The following FAAH variants were observed in gnomAD, a reference collection of about 807,000 sequenced individuals.
The protein encoded by FAAH is fatty acid amide hydrolase.
In FAAH, 63 loss-of-function variants were observed where a neutral mutation model predicts 69.7. That is an observed-to-expected ratio of 0.90 (90% CI 0.74 to 1.12). The LOEUF (loss-of-function observed/expected upper bound fraction) is 1.12. Ranked by LOEUF, FAAH falls within the 50% of genes most tolerant of loss-of-function variation. The pLI is 0.00. For missense variants in FAAH, 680 were observed against 755.0 expected (o/e 0.90, Z 1.16); for synonymous variants, 305 against 324.2 (o/e 0.94, Z 0.64).
At chr1:46,412,767 C>T (rs1256088943) in intron 13 of FAAH, among the ~76,000 whole-genome samples, 2 of 152,108 alleles carry the variant, frequency 1.3e-5, no homozygotes, top group South Asian at 2.1e-4. Context: ...GTTATGATCA[C>T]ACCACTGCAC....
chr1:46,406,089 T>C lies in FAAH; in HGVS notation c.826+11T>C. Reference sequence around the variant, plus strand: ...ATGGACAGGAGGCAGGTGAGGTCCGTGGTGCTCTCAGTGCCCCGAGGAGGG... The same window carrying C: ...ATGGACAGGAGGCAGGTGAGGTCCGCGGTGCTCTCAGTGCCCCGAGGAGGG... On this transcript the variant is annotated intron_variant, in intron 6 of 14. Coordinates refer to ENST00000243167, the MANE Select transcript of FAAH (RefSeq NM_001441.3). 6.2e-7 allele frequency: 1 copy of C among 1,614,164 alleles called. No individual in the cohort carries two copies. The highest frequency in any genetic ancestry group is 1.6e-4 in the Middle Eastern group (1 of 6,062).
chr1:46,413,837 CAAG>C lies in FAAH; in HGVS notation c.*265_*267del, dbSNP rs1438334531. ...CATAGGCCAAGGCCCAACTAACAGT[CAAG>C]AAACAGCTCCTCGTCTGTGTGGTTT... On this transcript the variant is annotated 3_prime_UTR_variant, in exon 15 of 15. Coordinates refer to ENST00000243167, the MANE Select transcript of FAAH (RefSeq NM_001441.3). 7.8e-6 allele frequency: 4 copies of C among 513,538 alleles called. No individual in the cohort carries two copies. Among genetic ancestry groups the C allele is most frequent in the Non-Finnish European group, 1.1e-5 (3 of 282,186 alleles). The allele number at this position is 513,538 out of a possible 1,614,324, so 31.8% of individuals were successfully genotyped here.
rs1664914648 is a variant in FAAH, at chr1:46,411,572, T to TGTGACCATCATGGCTG, written c.1317-32_1317-17dup. 1 of 1,612,646 alleles carries TGTGACCATCATGGCTG rather than the reference T, an allele frequency of 6.2e-7. No homozygotes were observed. The highest frequency in any genetic ancestry group is 8.5e-7 in the Non-Finnish European group (1 of 1,179,080). On this transcript the variant is annotated intron_variant, in intron 11 of 14. Coordinates refer to ENST00000243167, the MANE Select transcript of FAAH (RefSeq NM_001441.3). The surrounding 1 kb of genome is among the most constrained non-coding windows in gnomAD (Gnocchi z 4.8). ...GTCTGATGTTGCTGATCTCCGTGGC[T>TGTGACCATCATGGCTG]GTGACCATCATGGCTGGTGACCACA...
rs573602601 is a variant in FAAH at position 46,412,760 on chromosome 1, A to G, written c.1466-315A>G. Reference sequence around the variant, plus strand: ...CAGGAGGTCAAGGCTGCAGTGAGTTATGATCACACCACTGCACTCCAGCCT... The same window carrying G: ...CAGGAGGTCAAGGCTGCAGTGAGTTGTGATCACACCACTGCACTCCAGCCT... On this transcript the variant is annotated intron_variant, in intron 13 of 14. Coordinates refer to ENST00000243167, the MANE Select transcript of FAAH (RefSeq NM_001441.3). Among the ~76,000 whole-genome samples, 10 of 152,258 alleles carry G rather than the reference A, an allele frequency of 6.6e-5. 1 individual carries two copies. The highest frequency in any genetic ancestry group is 6.2e-4 in the South Asian group (3 of 4,822).
intron 1 of FAAH, among the ~76,000 whole-genome samples, chr1:46,401,577 G>A (rs1454621852): frequency 6.6e-6 from 1 of 152,166 alleles, no homozygotes; most frequent in Non-Finnish European, 1.5e-5. Flanking sequence ...GTGTGGGGAT[G>A]GCATGGGGTC....
rs769581678 is a variant in FAAH, at chr1:46,409,121, C to T, written c.1098C>T (p.Ser366=). ...AGHTLVPFLP[S]NIPHALETLS... The stretch of plus-strand genomic sequence containing the variant: ...TGCAGCTGGTTCCCTTCTTGCCAAG[C>T]AACATACCCCATGCTCTGGAGACCC... The change falls in exon 9 of 15, where the codon AGC becomes AGT. Residue 366 remains serine (S), a synonymous_variant. Coordinates refer to ENST00000243167, the MANE Select transcript of FAAH (RefSeq NM_001441.3). 1 of 1,614,058 alleles carries T rather than the reference C, an allele frequency of 6.2e-7. No individual in the cohort carries two copies. Among genetic ancestry groups the T allele is most frequent in the Non-Finnish European group, 8.5e-7 (1 of 1,179,980 alleles).
Position 46,413,605 on chromosome 1 carries a change from A to T in FAAH, c.*30A>T, listed in dbSNP as rs1664956799. On this transcript the variant is annotated 3_prime_UTR_variant, in exon 15 of 15. Transcript: ENST00000243167. Reference sequence around the variant, plus strand: ...TCTGGCTCCAGAGGACCTGAGACTCACACTCTCTGCAGCCCAGCCTAGTCA... The same window carrying T: ...TCTGGCTCCAGAGGACCTGAGACTCTCACTCTCTGCAGCCCAGCCTAGTCA... 2.5e-6 allele frequency: 4 copies of T among 1,613,734 alleles called. No individual in the cohort carries two copies. The African/African-American group carries it at 4.0e-5, about 16-fold the overall frequency.
chr1:46,397,162 G>A (rs183342219), intron 1 of FAAH, among the ~76,000 whole-genome samples: 47 of 152,346 alleles, frequency 3.1e-4, no homozygotes, highest in African/African-American at 1.1e-3. Flanking sequence ...TGTGCAGCCA[G>A]CTGAGTTCTG....
In FAAH at chr1:46,413,633, G is replaced by T. The variant is rs1181286251; in HGVS notation, c.*58G>T. ...CTCTCTGCAGCCCAGCCTAGTCAGG[G>T]CACAGCTGCCCTGCTGCCACAGCAA... is the stretch of plus-strand genomic sequence containing the variant. On this transcript the variant is annotated 3_prime_UTR_variant, in exon 15 of 15. Coordinates refer to ENST00000243167, the MANE Select transcript of FAAH (RefSeq NM_001441.3). 6 of 1,611,658 alleles carry T rather than the reference G, an allele frequency of 3.7e-6. No individual in the cohort carries two copies. The East Asian group carries it at 1.1e-4, about 30-fold the overall frequency.
intron 1 of FAAH, among the ~76,000 whole-genome samples, chr1:46,400,627 G>A (rs1569808893): frequency 6.6e-6 from 1 of 150,660 alleles, no homozygotes; most frequent in Non-Finnish European, 1.5e-5. Context: ...ACATAAGGAG[G>A]AGCTGGTCAA....
Position 46,413,132 on chromosome 1 carries a change from C to T in FAAH, c.1523C>T (p.Pro508Leu), listed in dbSNP as rs1664946450. The T allele has an allele frequency of 1.2e-6, 2 of 1,614,208 alleles. No individual in the cohort carries two copies. Among genetic ancestry groups the T allele is most frequent in the Non-Finnish European group, 1.7e-6 (2 of 1,180,020 alleles). Residue 508 changes from proline (P) to leucine (L), a missense_variant, in exon 14 of 15, where the codon CCT (proline) becomes CTT (leucine). Pro to Leu is a moderately conservative substitution (Grantham distance 98, BLOSUM62 -3). Coordinates refer to ENST00000243167, the MANE Select transcript of FAAH (RefSeq NM_001441.3). Reference protein sequence around the residue: ...NCLDFPAGVVPVTTVTAEDEA... With the variant: ...NCLDFPAGVVLVTTVTAEDEA... The stretch of plus-strand genomic sequence containing the variant: ...CTGGACTTCCCTGCAGGGGTGGTGC[C>T]TGTCACCACGGTGACTGCTGAGGAC...
rs1173904256 is a variant in FAAH, at chr1:46,394,352, G to A, written c.4G>A (p.Val2Met). The A allele has an allele frequency of 1.3e-6, 2 of 1,558,620 alleles. No homozygotes were observed. Among genetic ancestry groups the A allele is most frequent in the African/African-American group, 2.8e-5 (2 of 70,782 alleles). ...GCAGCAGCAGGCTGAAGGGATCATG[G>A]TGCAGTACGAGCTGTGGGCCGCGCT... is the stretch of plus-strand genomic sequence containing the variant. MVQYELWAALPG... is the reference protein window; with the variant it reads MMQYELWAALPG... Residue 2 changes from valine to methionine, a missense_variant, in exon 1 of 15, where the codon GTG becomes ATG. Transcript: ENST00000243167.
rs1664769807 is a variant in FAAH, at chr1:46,405,226, G to T, written c.444+78G>T. The T allele has an allele frequency of 6.2e-7, 1 of 1,612,190 alleles. No homozygotes were observed. The highest frequency in any genetic ancestry group is 8.5e-7 in the Non-Finnish European group (1 of 1,179,884). On this transcript the variant is annotated intron_variant, in intron 3 of 14. Coordinates refer to ENST00000243167, the MANE Select transcript of FAAH (RefSeq NM_001441.3). The surrounding 1 kb of genome is among the most constrained non-coding windows in gnomAD (Gnocchi z 4.1). The stretch of plus-strand genomic sequence containing the variant: ...CTGCTCTGCATCTTGGGTCATTTTG[G>T]GCCCTTAGAGGAGGTATCAGGTCCA...
At position 46,411,885 on chromosome 1, in the gene FAAH, T is replaced by C. The variant is rs781644214; in HGVS notation, c.1356+234T>C. On this transcript the variant is annotated intron_variant, in intron 12 of 14. Transcript: ENST00000243167. This position sits in a 1 kb window ranked among gnomAD's most constrained non-coding sequence, Gnocchi z 4.8. ...CAGGCTCCTGTCCTGGCCGCCTTTT[T>C]GCCCCTCTGGAGCTGCCTTTGTGTG... 3.7e-4 allele frequency among the ~76,000 whole-genome samples: 57 copies of C among 152,380 alleles called. No homozygotes were observed. The highest frequency in any genetic ancestry group is 6.3e-4 in the Non-Finnish European group (43 of 68,040).
In FAAH at chr1:46,413,739, A is replaced by AC; in HGVS notation, c.*166dup. The AC allele has an allele frequency of 1.0e-6, 1 of 957,414 alleles. No individual in the cohort carries two copies. The highest frequency in any genetic ancestry group is 2.7e-5 in the East Asian group (1 of 37,522). The allele number at this position is 957,414 out of a possible 1,614,324, so 59.3% of individuals were successfully genotyped here. ...AGAAGCGCCGACTCCCTGAGTCTGG[A>AC]CCTCCATCCCTGCTCTGGTCCCCTC... On this transcript the variant is annotated 3_prime_UTR_variant, in exon 15 of 15. Transcript: ENST00000243167.
At chr1:46,408,421 C>T (rs200622487) in intron 7 of FAAH, 38 bp from the exon 8 acceptor site, 17 of 1,613,888 alleles carry the variant, frequency 1.1e-5, no homozygotes, top group Non-Finnish European at 1.4e-5. Flanking sequence ...GGGTTGTCTT[C>T]TCCTGACCTG....
chr1:46,408,912 C>T (rs1664849223), intron 8 of FAAH, among the ~76,000 whole-genome samples, 189 bp from the exon 9 acceptor site: 1 of 152,174 alleles, frequency 6.6e-6, no homozygotes, highest in Non-Finnish European at 1.5e-5. Flanking sequence ...ATGTGTGGCT[C>T]CAGACTTCTC....
intron 1 of FAAH, among the ~76,000 whole-genome samples, chr1:46,395,067 A>G (rs552725472): frequency 9.9e-5 from 15 of 152,178 alleles, no homozygotes; most frequent in Middle Eastern, 3.4e-3. Flanking sequence ...CAGCATCCCC[A>G]GTAGCTGGGA....
chr1:46,400,284 C>G (rs1288747996), intron 1 of FAAH, among the ~76,000 whole-genome samples: 1 of 151,992 alleles, frequency 6.6e-6, no homozygotes, highest in Non-Finnish European at 1.5e-5. Flanking sequence ...TGCTCTGGAG[C>G]CTGTGGTGTG....
Sources: allele counts gnomAD v4.1 joint callset (sites outside exome capture counted in the v4.1 genomes callset), GRCh38; gene constraint gnomAD v4.1.1; non-coding constraint Gnocchi (gnomAD v3.1); transcripts MANE v1.5; gene names NCBI Gene and HGNC (gene_info 2026-07-23, HGNC 2026-07-21).